The following HECW1 variants were observed in gnomAD, a reference collection of about 807,000 sequenced individuals.
HECW1 encodes HECT, C2 and WW domain containing E3 ubiquitin protein ligase 1, also known as E3 ubiquitin-protein ligase HECW1.
HECW1 carries 61 observed loss-of-function variants against 182.3 expected under a neutral mutation model. The observed-to-expected ratio is 0.33, with a 90% confidence interval of 0.27 to 0.41. HECW1 has a LOEUF of 0.41. Among genes scored for constraint, HECW1 ranks in the 10% least tolerant of loss-of-function variants. The probability of loss-of-function intolerance (pLI) is 1.00; values close to 1 mark genes in which losing one functional copy is unlikely to be tolerated. For missense variants in HECW1, 1,739 were observed against 2,108.9 expected, an observed-to-expected ratio of 0.82 and a Z score of 3.44; for synonymous variants, 859 against 832.6, an observed-to-expected ratio of 1.03 and a Z score of -0.55.
At chr7:43,292,817 G>A (rs939352168) in intron 3 of HECW1, among the ~76,000 whole-genome samples, 2 of 152,214 alleles carry the variant, frequency 1.3e-5, no homozygotes, top group Admixed American at 6.5e-5. Context: ...ATCTGGATAT[G>A]TCACTAGTAG....
At chr7:43,488,038 A>C (rs1314333403) in intron 17 of HECW1, among the ~76,000 whole-genome samples, 4 of 150,512 alleles carry the variant, frequency 2.7e-5, no homozygotes, top group African/African-American at 7.3e-5. Flanking sequence ...AGACAGTCAC[A>C]GTGGCTAAAG....
chr7:43,257,893 C>T (rs1800751539), intron 3 of HECW1, among the ~76,000 whole-genome samples: 1 of 152,180 alleles, frequency 6.6e-6, no homozygotes, highest in African/African-American at 2.4e-5. Flanking sequence ...GGGTGAAGCA[C>T]TCTTCACATT....
chr7:43,150,973 C>T lies in HECW1; in HGVS notation c.-32+36582C>T, dbSNP rs554805010. ...TTGCTAAGTAAAGTGGGGGGTGGGC[C>T]ACGGCTGGCTCCTACCTGGACAGGC... is the stretch of plus-strand genomic sequence containing the variant. On this transcript the variant is annotated intron_variant, in intron 2 of 29. Coordinates refer to ENST00000395891, the MANE Select transcript of HECW1 (RefSeq NM_015052.5). 285 of 155,028 alleles carry T rather than the reference C, an allele frequency of 1.8e-3. 1 individual carries two copies. Among genetic ancestry groups the T allele is most frequent in the Non-Finnish European group, 2.9e-3 (197 of 68,316 alleles). 9.6% of individuals were successfully genotyped at this position (155,028 alleles called of 1,614,324 possible).
At chr7:43,474,581 A>G (rs563285261) in intron 16 of HECW1, among the ~76,000 whole-genome samples, 1 of 152,356 alleles carries the variant, frequency 6.6e-6, no homozygotes, top group South Asian at 2.1e-4. Context: ...TATTAAATAA[A>G]GAAAAATCAA....
chr7:43,238,032 T>C (rs1280044440), intron 2 of HECW1, among the ~76,000 whole-genome samples: 2 of 152,230 alleles, frequency 1.3e-5, no homozygotes, highest in African/African-American at 4.8e-5. Flanking sequence ...AATGTTTTGA[T>C]AGTCTGTCAC....
At chr7:43,397,185 A>G (rs1002903565) in intron 7 of HECW1, among the ~76,000 whole-genome samples, 5 of 152,142 alleles carry the variant, frequency 3.3e-5, no homozygotes, top group African/African-American at 1.2e-4. Context: ...ATACAAGGGG[A>G]AGTAAGGAAA....
chr7:43,320,150 C>T (rs942570453), intron 4 of HECW1, among the ~76,000 whole-genome samples: 3 of 152,084 alleles, frequency 2.0e-5, no homozygotes, highest in Admixed American at 2.0e-4. Flanking sequence ...TGGGTGCGAC[C>T]ATGTATAGGA....
At chr7:43,421,975 G>C (rs2076198443) in intron 8 of HECW1, among the ~76,000 whole-genome samples, 1 of 152,052 alleles carries the variant, frequency 6.6e-6, no homozygotes, top group Non-Finnish European at 1.5e-5. Flanking sequence ...TTTGTCTTCT[G>C]GTCTCTTTAA....
Position 43,554,713 on chromosome 7 carries a change from C to T in HECW1, c.4632C>T (p.Gly1544=). 1 of 1,614,162 alleles carries T rather than the reference C, an allele frequency of 6.2e-7. No individual in the cohort carries two copies. Among genetic ancestry groups the T allele is most frequent in the Non-Finnish European group, 8.5e-7 (1 of 1,180,020 alleles). Residue 1544 remains glycine, a synonymous_variant, in exon 29 of 30, where the codon GGC becomes GGT. Transcript: ENST00000395891. The part of the protein sequence containing the change: ...VTGTSSVPYE[G]FAALRGSNGL... ...GAACATCCAGCGTGCCCTACGAAGG[C>T]TTCGCAGCCCTCCGTGGGAGCAATG...
chr7:43,456,360 C>T lies in HECW1; in HGVS notation c.2564C>T (p.Thr855Ile). ...VFYVDHVNRT[T>I]TWQRPTAAAT... The stretch of plus-strand genomic sequence containing the variant: ...TATGTGGACCACGTGAACCGCACAA[C>T]CACCTGGCAGCGTCCGACGGCAGCA... Residue 855 changes from threonine to isoleucine, a missense_variant, in exon 13 of 30, where the codon ACC becomes ATC. Thr to Ile is a moderately conservative substitution (Grantham distance 89). Transcript: ENST00000395891. The T allele has an allele frequency of 6.2e-7, 1 of 1,614,082 alleles. No individual in the cohort carries two copies. Among genetic ancestry groups the T allele is most frequent in the Non-Finnish European group, 8.5e-7 (1 of 1,179,968 alleles).
chr7:43,120,735 C>T (rs1481517701), intron 2 of HECW1, among the ~76,000 whole-genome samples: 1 of 152,094 alleles, frequency 6.6e-6, no homozygotes, highest in Non-Finnish European at 1.5e-5. Flanking sequence ...CCTCCGCCTC[C>T]CAGGCTCAAG....
chr7:43,219,054 C>G (rs12534113), intron 2 of HECW1, among the ~76,000 whole-genome samples: 74,302 of 151,836 alleles, frequency 0.49, 19,612 homozygotes, highest in African/African-American at 0.69. Context: ...GTTTGACCAG[C>G]CATGTCATTC....
intron 2 of HECW1, among the ~76,000 whole-genome samples, chr7:43,228,870 G>T (rs770275348): frequency 1.3e-5 from 2 of 152,154 alleles, no homozygotes; most frequent in African/African-American, 2.4e-5. Flanking sequence ...ATATAAAATT[G>T]CGTATACAAT....
At chr7:43,303,264 G>A (rs890194929) in intron 3 of HECW1, among the ~76,000 whole-genome samples, 1 of 152,060 alleles carries the variant, frequency 6.6e-6, no homozygotes, top group Non-Finnish European at 1.5e-5. Context: ...CTGGAGCCTG[G>A]CCTCCAGCTG....
intron 2 of HECW1, among the ~76,000 whole-genome samples, chr7:43,212,850 A>T (rs576435317): frequency 6.6e-6 from 1 of 152,330 alleles, no homozygotes; most frequent in Admixed American, 6.5e-5. Context: ...ATTTTTCTGA[A>T]AAAGATCTTA....
intron 3 of HECW1, among the ~76,000 whole-genome samples, chr7:43,304,809 C>A (rs1022553421): frequency 1.3e-5 from 2 of 152,174 alleles, no homozygotes; most frequent in African/African-American, 4.8e-5. Flanking sequence ...AAAGTATTTA[C>A]TGAGCATCAT....
chr7:43,445,437 C>G lies in HECW1; in HGVS notation c.2265C>G (p.Ser755Arg). 1.2e-6 allele frequency: 2 copies of G among 1,613,290 alleles called. No homozygotes were observed. The highest frequency in any genetic ancestry group is 1.7e-6 in the Non-Finnish European group (2 of 1,179,952). Residue 755 changes from serine to arginine, a missense_variant, in exon 11 of 30, where the codon AGC becomes AGG. Transcript: ENST00000395891. ...AGTCGGTACCCGACTCCATGCAGAG[C>G]CCTGAGCTGGACCCGGAGTCCACGA... ...AFESVPDSMQ[S>R]PELDPESTNG...
intron 2 of HECW1, among the ~76,000 whole-genome samples, chr7:43,167,069 A>T (rs1275235625): frequency 6.6e-6 from 1 of 152,226 alleles, no homozygotes; most frequent in Non-Finnish European, 1.5e-5. Flanking sequence ...CCATTGCTAT[A>T]ACAACTTATC....
intron 8 of HECW1, among the ~76,000 whole-genome samples, chr7:43,420,499 A>C (rs1412736512): frequency 1.3e-5 from 2 of 152,186 alleles, no homozygotes; most frequent in Admixed American, 1.3e-4. Context: ...ATAAACAAAT[A>C]AAGTATGTCA....
Sources: gnomAD v4.1 joint callset for allele counts (sites outside exome capture counted in the v4.1 genomes callset) on GRCh38, gnomAD v4.1.1 for gene constraint, MANE v1.5 for transcripts, NCBI Gene and HGNC (gene_info 2026-07-23, HGNC 2026-07-21) for gene names.